The following MPP7 variants were observed in gnomAD, a reference collection of about 807,000 sequenced individuals.
The protein encoded by MPP7 is MAGUK p55 scaffold protein 7.
A neutral mutation model predicts 76.5 loss-of-function variants in MPP7; 60 were observed. That is an observed-to-expected ratio of 0.78 (90% CI 0.64 to 0.97). The LOEUF is 0.97. Among genes scored for constraint, MPP7 ranks in the 50% least tolerant of loss-of-function variants. The pLI is 0.00. For missense variants in MPP7, 641 were observed against 694.0 expected (o/e 0.92, Z 0.86); for synonymous variants, 237 against 244.5 (o/e 0.97, Z 0.29).
At chr10:28,270,166 G>C (rs1193326988) in intron 1 of MPP7, among the ~76,000 whole-genome samples, 2 of 152,088 alleles carry the variant, frequency 1.3e-5, no homozygotes, top group Non-Finnish European at 2.9e-5. Context: ...AGGATGATGA[G>C]GTGTTTGACA....
intron 12 of MPP7, among the ~76,000 whole-genome samples, chr10:28,078,692 T>C (rs532787308): frequency 6.6e-6 from 1 of 152,248 alleles, no homozygotes; most frequent in South Asian, 2.1e-4. Context: ...CAATTTGTAT[T>C]ACGTGAAGGT....
At chr10:28,154,028 T>C (rs529023220) in intron 3 of MPP7, among the ~76,000 whole-genome samples, 4 of 152,256 alleles carry the variant, frequency 2.6e-5, no homozygotes, top group East Asian at 1.9e-4. Context: ...AGAAAATCCA[T>C]GGGACACGAT....
Position 28,285,752 on chromosome 10 carries a change from T to C in MPP7, c.-132+17109A>G, listed in dbSNP as rs1840776205. On this transcript the variant is annotated intron_variant, in intron 1 of 16. Coordinates refer to ENST00000683449, the MANE Select transcript of MPP7 (RefSeq NM_001318170.2). ...CAAAAAAAATAGAAACTGAATCAAATCAAGATCTGATTACTATTTACAGGC... is the reference window on the plus strand; with the variant it reads ...CAAAAAAAATAGAAACTGAATCAAACCAAGATCTGATTACTATTTACAGGC... 2.0e-5 allele frequency among the ~76,000 whole-genome samples: 3 copies of C among 151,730 alleles called. No homozygotes were observed. The South Asian group carries it at 6.2e-4, about 32-fold the overall frequency.
chr10:28,256,388 A>G (rs1005471285), intron 1 of MPP7, among the ~76,000 whole-genome samples: 1 of 152,064 alleles, frequency 6.6e-6, no homozygotes, highest in African/African-American at 2.4e-5. Flanking sequence ...TAACAGATTA[A>G]ATGCACCCCC....
At chr10:28,281,790 T>C (rs1037722185) in intron 1 of MPP7, among the ~76,000 whole-genome samples, 1 of 152,084 alleles carries the variant, frequency 6.6e-6, no homozygotes, top group African/African-American at 2.4e-5. Flanking sequence ...ATAACTTGTC[T>C]AAATTCATAA....
chr10:28,150,194 T>C (rs973677753), intron 3 of MPP7, 135 bp from the exon 4 acceptor site: 3 of 635,356 alleles, frequency 4.7e-6, no homozygotes, highest in Non-Finnish European at 5.5e-6. Flanking sequence ...ATTACACACA[T>C]GTAATATGTT....
In MPP7 at chr10:28,264,902, G is replaced by T. The variant is rs113698568; in HGVS notation, c.-131-26167C>A. Among the ~76,000 whole-genome samples, 1,203 of 151,160 alleles carry T rather than the reference G, an allele frequency of 8.0e-3. 15 individuals carry two copies. Among genetic ancestry groups the T allele is most frequent in the African/African-American group, 0.027 (1,126 of 41,508 alleles). ...GCCAAGGAAGAGAGACTTTCAGGAA[G>T]AAGGCACAGTCCTCATCTCCAAATG... On this transcript the variant is annotated intron_variant, in intron 1 of 16. Transcript: ENST00000683449.
At chr10:28,062,531 AACACAC>A (rs56923979) in intron 13 of MPP7, among the ~76,000 whole-genome samples, 17,226 of 132,114 alleles carry the variant, frequency 0.13, 1,253 homozygotes, top group East Asian at 0.32. Flanking sequence ...CATAATAGTA[AACACAC>A]ACACACACAC....
At chr10:28,193,937 C>A in intron 3 of MPP7, among the ~76,000 whole-genome samples, 1 of 151,760 alleles carries the variant, frequency 6.6e-6, no homozygotes, top group African/African-American at 2.4e-5. Flanking sequence ...GCTACAGGGA[C>A]TCTCACTCAT....
chr10:28,059,817 AG>A, intron 13 of MPP7, 74 bp from the exon 14 acceptor site: 1 of 997,848 alleles, frequency 1.0e-6, no homozygotes, highest in East Asian at 2.4e-5. Flanking sequence ...AAAGAAATCA[AG>A]GGTATTTAAT....
At chr10:28,070,213 C>T (rs914549188) in intron 12 of MPP7, among the ~76,000 whole-genome samples, 6 of 152,002 alleles carry the variant, frequency 3.9e-5, no homozygotes, top group Non-Finnish European at 5.9e-5. Flanking sequence ...CTGGCTAACA[C>T]GGTGAAACCC....
chr10:28,242,361 A>T (rs786692), intron 1 of MPP7, among the ~76,000 whole-genome samples: 147,232 of 152,294 alleles, frequency 0.97, 71,365 homozygotes, highest in Non-Finnish European at 1. Flanking sequence ...TTTTTAAAAA[A>T]AAATCTATCA....
chr10:28,065,587 C>T (rs554339488), intron 13 of MPP7, among the ~76,000 whole-genome samples: 1 of 152,260 alleles, frequency 6.6e-6, no homozygotes, highest in East Asian at 1.9e-4. Flanking sequence ...ACTGAGTACC[C>T]ACTATGTATA....
chr10:28,173,590 TAC>T (rs1836760073), intron 3 of MPP7, among the ~76,000 whole-genome samples: 1 of 152,218 alleles, frequency 6.6e-6, no homozygotes, highest in South Asian at 2.1e-4. Context: ...ATGCTTCTTG[TAC>T]AGTCTGCAGA....
intron 5 of MPP7, among the ~76,000 whole-genome samples, chr10:28,147,263 C>G (rs531707412): frequency 2.0e-5 from 3 of 152,168 alleles, no homozygotes; most frequent in Non-Finnish European, 2.9e-5. Flanking sequence ...TTTGACAGAA[C>G]TTAAATTCTG....
chr10:28,138,191 T>C (rs1835407106), intron 5 of MPP7, among the ~76,000 whole-genome samples: 1 of 152,222 alleles, frequency 6.6e-6, no homozygotes. Context: ...ACTTCACTGT[T>C]TTATCAAAAG....
intron 1 of MPP7, among the ~76,000 whole-genome samples, chr10:28,266,020 T>C (rs1328991087): frequency 1.3e-5 from 2 of 152,054 alleles, no homozygotes; most frequent in African/African-American, 4.8e-5. Context: ...CAGGCTGGAG[T>C]ACTCAGGAGG....
At chr10:28,178,946 A>T (rs1012001149) in intron 3 of MPP7, among the ~76,000 whole-genome samples, 1 of 152,226 alleles carries the variant, frequency 6.6e-6, no homozygotes, top group African/African-American at 2.4e-5. Flanking sequence ...AATCTCTTTA[A>T]AAGCAAAGGT....
chr10:28,087,429 T>C (rs1375389842), intron 12 of MPP7, among the ~76,000 whole-genome samples: 3 of 152,214 alleles, frequency 2.0e-5, no homozygotes, highest in Non-Finnish European at 2.9e-5. Flanking sequence ...AGAATCTTGC[T>C]CTGTTGCCCC....
Sources: allele counts gnomAD v4.1 joint callset (sites outside exome capture counted in the v4.1 genomes callset), GRCh38; gene constraint gnomAD v4.1.1; transcripts MANE v1.5; gene names NCBI Gene and HGNC (gene_info 2026-07-23, HGNC 2026-07-21).